Variants in PCBP3 observed in about 807,000 individuals in gnomAD.
The protein encoded by PCBP3 is poly(rC)-binding protein 3.
PCBP3 carries 25 observed loss-of-function variants against 52.7 expected under a neutral mutation model. That is an observed-to-expected ratio of 0.47 (90% CI 0.35 to 0.66). PCBP3 has a LOEUF of 0.66. Among genes scored for constraint, PCBP3 ranks in the 30% least tolerant of loss-of-function variants. The probability of loss-of-function intolerance (pLI) is 0.01; values close to 1 mark genes in which losing one functional copy is unlikely to be tolerated. For missense variants in PCBP3, 391 were observed against 490.3 expected (o/e 0.80, Z 1.91); for synonymous variants, 162 against 183.0 (o/e 0.89, Z 0.93).
At chr21:45,872,356 C>A (rs980618899) in intron 5 of PCBP3, 2 of 152,222 alleles carry the variant, frequency 1.3e-5, no homozygotes, top group African/African-American at 4.8e-5. Flanking sequence ...TTCCTAGTTT[C>A]CTCAGTTACC....
intron 7 of PCBP3, among the ~76,000 whole-genome samples, chr21:45,900,261 G>A (rs577819935): frequency 5.3e-5 from 8 of 152,322 alleles, no homozygotes; most frequent in South Asian, 2.1e-4. Flanking sequence ...CCGGCAATGC[G>A]GGGCGCCTGA....
At chr21:45,891,887 G>T (rs1039354028) in intron 5 of PCBP3, among the ~76,000 whole-genome samples, 2 of 152,178 alleles carry the variant, frequency 1.3e-5, no homozygotes, top group African/African-American at 4.8e-5. Context: ...CAGCCTCCTG[G>T]GCTGTCTCAA....
At chr21:45,768,562 A>C (rs986895908) in intron 4 of PCBP3, among the ~76,000 whole-genome samples, 13 of 152,308 alleles carry the variant, frequency 8.5e-5, no homozygotes, top group African/African-American at 3.1e-4. Context: ...TGGTAATTCA[A>C]CTTGATTTAG....
intron 5 of PCBP3, among the ~76,000 whole-genome samples, chr21:45,854,217 A>AT (rs1212669339): frequency 2.0e-5 from 3 of 152,136 alleles, no homozygotes; most frequent in African/African-American, 7.2e-5. Flanking sequence ...CCTGCCCTGC[A>AT]TGTGTGTCAG....
At chr21:45,862,231 ATTATTAG>A (rs2094539849) in intron 5 of PCBP3, among the ~76,000 whole-genome samples, 1 of 152,064 alleles carries the variant, frequency 6.6e-6, no homozygotes, top group Non-Finnish European at 1.5e-5. Context: ...CAAACATTAC[ATTATTAG>A]TTACTGTAAC....
At chr21:45,674,664 A>G (rs748114049) in intron 2 of PCBP3, among the ~76,000 whole-genome samples, 3 of 152,198 alleles carry the variant, frequency 2.0e-5, no homozygotes, top group Non-Finnish European at 2.9e-5. Context: ...TCCACTTAGG[A>G]AACTGAAAGT....
At chr21:45,912,214 C>T (rs376691487) in intron 11 of PCBP3, among the ~76,000 whole-genome samples, 3 of 152,340 alleles carry the variant, frequency 2.0e-5, no homozygotes, top group African/African-American at 4.8e-5. Flanking sequence ...ACCCTATCTC[C>T]TTCCTGGGCA....
chr21:45,938,906 G>T (rs1374798925), intron 16 of PCBP3, among the ~76,000 whole-genome samples: 2 of 152,228 alleles, frequency 1.3e-5, no homozygotes, highest in Non-Finnish European at 2.9e-5. Flanking sequence ...TGGAGCTGCT[G>T]CTCACCCCAC....
intron 5 of PCBP3, among the ~76,000 whole-genome samples, chr21:45,895,463 C>T (rs182024816): frequency 3.2e-4 from 48 of 152,294 alleles, no homozygotes; most frequent in African/African-American, 1.1e-3. Context: ...GGAGCAGGGT[C>T]CCCACCGTGC....
intron 4 of PCBP3, among the ~76,000 whole-genome samples, chr21:45,808,384 A>G (rs1206307755): frequency 6.6e-6 from 1 of 152,386 alleles, no homozygotes; most frequent in Non-Finnish European, 1.5e-5. Context: ...GGCAAAGGAT[A>G]TGAACAGTCA....
chr21:45,824,298 CACTCCG>C (rs1239676806), intron 4 of PCBP3, among the ~76,000 whole-genome samples: 2 of 152,186 alleles, frequency 1.3e-5, no homozygotes, highest in African/African-American at 4.8e-5. Context: ...GCTTTTAGAA[CACTCCG>C]AGTTTTGCTG....
intron 4 of PCBP3, chr21:45,761,851 C>T (rs1179323379): frequency 6.9e-6 from 1 of 145,516 alleles, no homozygotes; most frequent in South Asian, 2.1e-4. Context: ...CCACCACTGC[C>T]ACCGCAACCA....
intron 4 of PCBP3, chr21:45,848,427 A>T (rs1170643484): frequency 6.6e-6 from 1 of 152,254 alleles, no homozygotes; most frequent in East Asian, 1.9e-4. Flanking sequence ...GGAGAGGGTG[A>T]AGTGCAGTTG....
intron 7 of PCBP3, among the ~76,000 whole-genome samples, chr21:45,900,128 TC>T (rs1352326447): frequency 6.6e-6 from 1 of 152,052 alleles, no homozygotes; most frequent in African/African-American, 2.4e-5. Flanking sequence ...CTTCCGGGGG[TC>T]CTTCCCCTCA....
chr21:45,875,152 C>G (rs868140685), intron 5 of PCBP3, among the ~76,000 whole-genome samples: 17 of 152,198 alleles, frequency 1.1e-4, no homozygotes, highest in African/African-American at 3.6e-4. Flanking sequence ...CTGGGGGCCC[C>G]TCCATGTTGC....
At position 45,917,489 on chromosome 21, in the gene PCBP3, CT is replaced by C. The variant is rs2073672924; in HGVS notation, c.676-97del. 5 of 899,584 alleles carry C rather than the reference CT, an allele frequency of 5.6e-6. No individual in the cohort carries two copies. In the Admixed American group the frequency reaches 8.8e-5, roughly 16 times the overall value. The allele number at this position is 899,584 out of a possible 1,614,324, so 55.7% of individuals were successfully genotyped here. A position where few individuals can be genotyped will look rare whatever the true frequency, so the allele number is the denominator to read the frequency against. The stretch of plus-strand genomic sequence containing the variant: ...GGTGGAGAGGCACACGAGGGGGAAG[CT>C]TCTACCGGAGGGTCCTTGTCATGCT... On this transcript the variant is annotated intron_variant, in intron 12 of 17. Coordinates refer to ENST00000681687, the MANE Select transcript of PCBP3 (RefSeq NM_001384156.1). This position sits in a 1 kb window ranked among gnomAD's most constrained non-coding sequence, Gnocchi z 5.3.
At chr21:45,888,191 A>C (rs1176206181) in intron 5 of PCBP3, among the ~76,000 whole-genome samples, 2 of 152,172 alleles carry the variant, frequency 1.3e-5, no homozygotes, top group African/African-American at 2.4e-5. Context: ...CTGCTCCTGC[A>C]GCTCTTGAGT....
intron 1 of PCBP3, among the ~76,000 whole-genome samples, chr21:45,651,600 A>G (rs970354306): frequency 6.6e-6 from 1 of 152,220 alleles, no homozygotes; most frequent in African/African-American, 2.4e-5. Context: ...GCTGCATACT[A>G]TTCCAAAGAG....
At chr21:45,644,004 C>T (rs1477808603) in intron 1 of PCBP3, 136 bp downstream of exon 1, 1 of 149,268 alleles carries the variant, frequency 6.7e-6, no homozygotes, top group South Asian at 2.1e-4. Flanking sequence ...GGGCGGGGGT[C>T]CCGGGCTGGG....
Sources: gnomAD v4.1 joint callset for allele counts (sites outside exome capture counted in the v4.1 genomes callset) on GRCh38, gnomAD v4.1.1 for gene constraint, Gnocchi (gnomAD v3.1) non-coding constraint, MANE v1.5 for transcripts, NCBI Gene and HGNC (gene_info 2026-07-23, HGNC 2026-07-21) for gene names.